The following FAM135A variants were observed in gnomAD, a reference collection of about 807,000 sequenced individuals.
The protein encoded by FAM135A is protein FAM135A.
A neutral mutation model predicts 146.8 loss-of-function variants in FAM135A; 79 were observed. The ratio of observed to expected loss-of-function variants is 0.54; its 90% CI spans 0.45 to 0.65. The LOEUF (loss-of-function observed/expected upper bound fraction) is 0.65. Among genes scored for constraint, FAM135A ranks in the 30% least tolerant of loss-of-function variants. The pLI, the probability that FAM135A is intolerant of heterozygous loss-of-function variation, is 0.00. For synonymous variants in FAM135A, 562 were observed against 603.6 expected (o/e 0.93, Z 1.01); for missense variants, 1,623 against 1,758.2 (o/e 0.92, Z 1.38).
chr6:70,418,286 G>A (rs547212526), intron 2 of FAM135A: 1 of 152,264 alleles, frequency 6.6e-6, no homozygotes, highest in East Asian at 1.9e-4. Context: ...ACAGAGTGAG[G>A]CAAGTGACAG....
chr6:70,548,852 C>T (rs1244109998), intron 20 of FAM135A, among the ~76,000 whole-genome samples: 1 of 151,578 alleles, frequency 6.6e-6, no homozygotes, highest in East Asian at 1.9e-4. Context: ...TACTGCTGTT[C>T]CTAATACATA....
chr6:70,459,941 G>C (rs1329796088), intron 5 of FAM135A, among the ~76,000 whole-genome samples: 2 of 152,170 alleles, frequency 1.3e-5, no homozygotes, highest in Non-Finnish European at 2.9e-5. Flanking sequence ...TGAGGCAAGA[G>C]AATCGCTTGA....
At chr6:70,559,404 G>A (rs1332957719) in intron 21 of FAM135A, among the ~76,000 whole-genome samples, 1 of 151,038 alleles carries the variant, frequency 6.6e-6, no homozygotes, top group Non-Finnish European at 1.5e-5. Flanking sequence ...CCACACCATT[G>A]CACTCCAGCC....
intron 12 of FAM135A, among the ~76,000 whole-genome samples, chr6:70,519,487 G>A (rs1184467410): frequency 6.6e-6 from 1 of 152,186 alleles, no homozygotes; most frequent in Non-Finnish European, 1.5e-5. Context: ...CTGTTAAACT[G>A]CATCACATGC....
At chr6:70,475,165 A>T (rs549361797) in intron 5 of FAM135A, among the ~76,000 whole-genome samples, 1 of 152,208 alleles carries the variant, frequency 6.6e-6, no homozygotes, top group Non-Finnish European at 1.5e-5. Flanking sequence ...TTCTGCTTCG[A>T]TATTTCCTCA....
intron 5 of FAM135A, among the ~76,000 whole-genome samples, chr6:70,453,902 A>T (rs1028436628): frequency 3.3e-5 from 5 of 152,172 alleles, no homozygotes; most frequent in African/African-American, 1.2e-4. Flanking sequence ...TAGTAGCATG[A>T]TTTATAATCC....
chr6:70,512,087 T>G (rs1231984996), intron 12 of FAM135A, among the ~76,000 whole-genome samples: 1 of 151,964 alleles, frequency 6.6e-6, no homozygotes, highest in Non-Finnish European at 1.5e-5. Context: ...ATTTCATTAC[T>G]TCACAAAATG....
intron 4 of FAM135A, among the ~76,000 whole-genome samples, chr6:70,451,563 T>C (rs1777089448): frequency 6.6e-6 from 1 of 152,170 alleles, no homozygotes; most frequent in African/African-American, 2.4e-5. Flanking sequence ...ATTGTGACTT[T>C]TAATGTTCCA....
intron 12 of FAM135A, among the ~76,000 whole-genome samples, chr6:70,513,960 G>T (rs1477517567): frequency 6.6e-6 from 1 of 151,264 alleles, no homozygotes; most frequent in African/African-American, 2.4e-5. Context: ...GATATGCCTT[G>T]TTGCAGTTTT....
rs553820890 is a variant in FAM135A at position 70,452,041 on chromosome 6, A to ATTCTT, written c.78-449_78-445dup. Among the ~76,000 whole-genome samples, 475 of 152,148 alleles carry ATTCTT rather than the reference A, an allele frequency of 3.1e-3. 3 individuals carry two copies. The highest frequency in any genetic ancestry group is 0.011 in the African/African-American group (450 of 41,564). ...AGCTCTGACCTTGAAAAAAAAAACA[A>ATTCTT]TTCTTTAAACCAACTGATATCTTCA... On this transcript the variant is annotated intron_variant, in intron 4 of 21. Transcript: ENST00000418814.
At chr6:70,532,707 C>T (rs1050434241) in intron 16 of FAM135A, among the ~76,000 whole-genome samples, 1 of 152,136 alleles carries the variant, frequency 6.6e-6, no homozygotes, top group Admixed American at 6.5e-5. Flanking sequence ...CCAAGGCCAG[C>T]GGATCACAAG....
At chr6:70,460,943 C>T (rs1323491053) in intron 5 of FAM135A, among the ~76,000 whole-genome samples, 1 of 151,602 alleles carries the variant, frequency 6.6e-6, no homozygotes, top group Non-Finnish European at 1.5e-5. Context: ...CCTGCCTCAG[C>T]CTCCCGAGTA....
intron 4 of FAM135A, among the ~76,000 whole-genome samples, chr6:70,440,396 G>A (rs1007881100): frequency 6.6e-6 from 1 of 152,046 alleles, no homozygotes; most frequent in Non-Finnish European, 1.5e-5. Flanking sequence ...ATAAAATGGA[G>A]ATATCCAGGG....
At chr6:70,419,549 C>T (rs1337621960) in intron 2 of FAM135A, among the ~76,000 whole-genome samples, 2 of 152,200 alleles carry the variant, frequency 1.3e-5, no homozygotes, top group Non-Finnish European at 2.9e-5. Flanking sequence ...AGATTTAGAA[C>T]ATCTCTCTGT....
intron 2 of FAM135A, among the ~76,000 whole-genome samples, chr6:70,422,483 G>T (rs1769072700): frequency 2.6e-5 from 4 of 152,082 alleles, no homozygotes; most frequent in Admixed American, 2.6e-4. Flanking sequence ...GCATCATTAT[G>T]TATATATATG....
At chr6:70,553,578 T>C (rs1261547257) in intron 20 of FAM135A, among the ~76,000 whole-genome samples, 1 of 152,174 alleles carries the variant, frequency 6.6e-6, no homozygotes, top group African/African-American at 2.4e-5. Context: ...ATCTGATACT[T>C]TAAACAGGGA....
At chr6:70,480,396 C>T (rs1201720228) in intron 8 of FAM135A, among the ~76,000 whole-genome samples, 1 of 152,026 alleles carries the variant, frequency 6.6e-6, no homozygotes, top group East Asian at 1.9e-4. Context: ...TTTAATAGAG[C>T]TTATAGCCTT....
intron 11 of FAM135A, among the ~76,000 whole-genome samples, chr6:70,497,395 G>T (rs1787524834): frequency 6.6e-6 from 1 of 152,110 alleles, no homozygotes; most frequent in Admixed American, 6.5e-5. Flanking sequence ...GGAGATTTTG[G>T]GCTGAGACGA....
At chr6:70,522,774 T>C (rs1793896773) in intron 13 of FAM135A, among the ~76,000 whole-genome samples, 188 bp downstream of exon 13, 1 of 152,194 alleles carries the variant, frequency 6.6e-6, no homozygotes, top group Non-Finnish European at 1.5e-5. Flanking sequence ...AGTTCCATAC[T>C]TTACATATAA....
Sources: allele counts gnomAD v4.1 joint callset (sites outside exome capture counted in the v4.1 genomes callset), GRCh38; gene constraint gnomAD v4.1.1; transcripts MANE v1.5; gene names NCBI Gene and HGNC (gene_info 2026-07-23, HGNC 2026-07-21).